NKAIN2: variants seen among roughly 807,000 people sequenced by gnomAD.
The protein encoded by NKAIN2 is sodium/potassium transporting ATPase interacting 2, also known as sodium/potassium-transporting ATPase subunit beta-1-interacting protein 2.
A neutral mutation model predicts 32.6 loss-of-function variants in NKAIN2; 14 were observed. The ratio of observed to expected loss-of-function variants is 0.43; its 90% CI spans 0.28 to 0.67. NKAIN2 has a LOEUF of 0.67. Ranked by LOEUF, NKAIN2 falls within the 30% of genes least tolerant of loss-of-function variation. NKAIN2 has a pLI of 0.17. For missense variants in NKAIN2, 198 were observed against 258.3 expected, an observed-to-expected ratio of 0.77 and a Z score of 1.60; for synonymous variants, 80 against 87.2, an observed-to-expected ratio of 0.92 and a Z score of 0.46.
chr6:124,707,320 T>C (rs535252094), intron 4 of NKAIN2, among the ~76,000 whole-genome samples: 1 of 152,198 alleles, frequency 6.6e-6, no homozygotes, highest in South Asian at 2.1e-4. Context: ...TGTGTCTTTA[T>C]AGCAGAATGA....
At chr6:123,931,656 A>G (rs1432877545) in intron 1 of NKAIN2, among the ~76,000 whole-genome samples, 2 of 151,788 alleles carry the variant, frequency 1.3e-5, no homozygotes, top group Non-Finnish European at 2.9e-5. Flanking sequence ...TCTTCCATTC[A>G]TTTATCTGTC....
At chr6:124,374,941 C>G (rs1799920378) in intron 3 of NKAIN2, among the ~76,000 whole-genome samples, 1 of 152,056 alleles carries the variant, frequency 6.6e-6, no homozygotes, top group African/African-American at 2.4e-5. Context: ...CCTCTGCTAT[C>G]TCCTCAGCTC....
intron 1 of NKAIN2, among the ~76,000 whole-genome samples, chr6:124,234,750 C>A (rs969079418): frequency 2.6e-5 from 4 of 152,154 alleles, no homozygotes; most frequent in African/African-American, 9.7e-5. Context: ...ACTAACTGCA[C>A]AATCAGCTCA....
At chr6:124,776,634 T>C (rs955520176) in intron 4 of NKAIN2, among the ~76,000 whole-genome samples, 2 of 152,222 alleles carry the variant, frequency 1.3e-5, no homozygotes, top group Non-Finnish European at 2.9e-5. Flanking sequence ...ATTTCTGCTA[T>C]AGTCTTGTAT....
chr6:124,119,217 T>G (rs1785758086), intron 1 of NKAIN2, among the ~76,000 whole-genome samples: 1 of 152,168 alleles, frequency 6.6e-6, no homozygotes, highest in Admixed American at 6.6e-5. Flanking sequence ...ACCTCACCTC[T>G]GAATAAGGAA....
At chr6:124,033,171 G>A (rs1781476243) in intron 1 of NKAIN2, among the ~76,000 whole-genome samples, 1 of 152,036 alleles carries the variant, frequency 6.6e-6, no homozygotes, top group African/African-American at 2.4e-5. Flanking sequence ...CAATGAATTC[G>A]CTACTTACAA....
chr6:123,845,976 G>T (rs575355819), intron 1 of NKAIN2, among the ~76,000 whole-genome samples: 2 of 151,842 alleles, frequency 1.3e-5, no homozygotes, highest in South Asian at 4.2e-4. Flanking sequence ...ACACTTTACC[G>T]GGTCTCTCTG....
chr6:124,617,897 C>CAA (rs1374864588), intron 3 of NKAIN2, among the ~76,000 whole-genome samples: 1 of 152,038 alleles, frequency 6.6e-6, no homozygotes, highest in Non-Finnish European at 1.5e-5. Context: ...TCTAGACCGT[C>CAA]AAAGATAGAA....
chr6:124,020,839 C>T (rs944256437), intron 1 of NKAIN2, among the ~76,000 whole-genome samples: 6 of 151,860 alleles, frequency 4.0e-5, no homozygotes, highest in Admixed American at 3.9e-4. Flanking sequence ...TAAAAAGGCC[C>T]CTTTCAGTAA....
At chr6:124,570,293 T>C (rs1173651026) in intron 3 of NKAIN2, among the ~76,000 whole-genome samples, 1 of 152,054 alleles carries the variant, frequency 6.6e-6, no homozygotes. Context: ...TGAGGAGAAA[T>C]TCAAGCTGGC....
intron 3 of NKAIN2, among the ~76,000 whole-genome samples, chr6:124,478,618 T>C (rs1162639637): frequency 1.3e-5 from 2 of 152,130 alleles, no homozygotes; most frequent in South Asian, 4.1e-4. Flanking sequence ...AGAAAATAAA[T>C]AGCATAGTAT....
At chr6:124,711,043 T>C (rs1314899262) in intron 4 of NKAIN2, among the ~76,000 whole-genome samples, 42 of 147,378 alleles carry the variant, frequency 2.8e-4, no homozygotes, top group South Asian at 1.1e-3. Flanking sequence ...CAAAATCTCT[T>C]AGCATTTGCT....
intron 1 of NKAIN2, among the ~76,000 whole-genome samples, chr6:124,106,398 G>A (rs914928527): frequency 6.6e-6 from 1 of 152,090 alleles, no homozygotes; most frequent in African/African-American, 2.4e-5. Flanking sequence ...TATTATTGTA[G>A]TATGTTTTAA....
intron 4 of NKAIN2, among the ~76,000 whole-genome samples, chr6:124,730,897 GAAGGACATGA>G (rs888046375): frequency 8.5e-6 from 1 of 117,672 alleles, no homozygotes; most frequent in African/African-American, 3.2e-5. Flanking sequence ...AAAAGTGGGC[GAAGGACATGA>G]ACAGACACTT....
chr6:123,817,487 A>G (rs531920539), intron 1 of NKAIN2, among the ~76,000 whole-genome samples: 49 of 152,298 alleles, frequency 3.2e-4, no homozygotes, highest in African/African-American at 1.2e-3. Context: ...TGAATTGTCC[A>G]GAGGGCAGCT....
chr6:123,849,360 A>G (rs948884958), intron 1 of NKAIN2, among the ~76,000 whole-genome samples: 9 of 152,200 alleles, frequency 5.9e-5, no homozygotes, highest in African/African-American at 2.2e-4. Flanking sequence ...TAGACATGGA[A>G]TGGCAGGAAG....
At chr6:124,035,060 A>G (rs1781554772) in intron 1 of NKAIN2, among the ~76,000 whole-genome samples, 1 of 152,130 alleles carries the variant, frequency 6.6e-6, no homozygotes, top group African/African-American at 2.4e-5. Context: ...ACAAGAAAAA[A>G]TGTCTAATAT....
chr6:124,684,699 G>A (rs1054776223), intron 4 of NKAIN2, among the ~76,000 whole-genome samples: 15 of 152,064 alleles, frequency 9.9e-5, no homozygotes, highest in African/African-American at 3.4e-4. Flanking sequence ...AATGTTTGCC[G>A]TCTATCTCTG....
chr6:123,968,742 C>T (rs1307503559), intron 1 of NKAIN2, among the ~76,000 whole-genome samples: 3 of 152,198 alleles, frequency 2.0e-5, no homozygotes, highest in Non-Finnish European at 2.9e-5. Context: ...TTCTTTCTCT[C>T]TGGAATGCCC....
Sources: allele counts gnomAD v4.1 joint callset (sites outside exome capture counted in the v4.1 genomes callset), GRCh38; gene constraint gnomAD v4.1.1; transcripts MANE v1.5; gene names NCBI Gene and HGNC (gene_info 2026-07-23, HGNC 2026-07-21).